SHTN1: variants seen among roughly 807,000 people sequenced by gnomAD.
SHTN1 encodes shootin 1, also known as shootin-1.
In SHTN1, 42 loss-of-function variants were observed where a neutral mutation model predicts 83.1. The ratio of observed to expected loss-of-function variants is 0.51; its 90% CI spans 0.39 to 0.65. The LOEUF (loss-of-function observed/expected upper bound fraction) is 0.65. Ranked by LOEUF, SHTN1 falls within the 30% of genes least tolerant of loss-of-function variation. The pLI is 0.00. For synonymous variants in SHTN1, 224 were observed against 247.7 expected, an observed-to-expected ratio of 0.90 and a Z score of 0.90; for missense variants, 622 against 737.8, an observed-to-expected ratio of 0.84 and a Z score of 1.82.
chr10:117,003,971 C>T lies in SHTN1; in HGVS notation c.58+1051G>A, dbSNP rs151308652. On this transcript the variant is annotated intron_variant, in intron 1 of 16. Coordinates refer to ENST00000355371, the MANE Select transcript of SHTN1 (RefSeq NM_001127211.3). Reference sequence around the variant, plus strand: ...GTGCAACGGCGCCATCTTGGCTCACCGCAACCTCCGCCTCCTGGCGATTCT... The same window carrying T: ...GTGCAACGGCGCCATCTTGGCTCACTGCAACCTCCGCCTCCTGGCGATTCT... Among the ~76,000 whole-genome samples, 797 of 152,120 alleles carry T rather than the reference C, an allele frequency of 5.2e-3. 10 individuals carry two copies. Among genetic ancestry groups the T allele is most frequent in the African/African-American group, 0.018 (759 of 41,500 alleles).
chr10:117,126,141 T>C (rs1402361711), intron 1 of SHTN1, among the ~76,000 whole-genome samples: 3 of 152,114 alleles, frequency 2.0e-5, no homozygotes, highest in Non-Finnish European at 2.9e-5. Context: ...TTGACGTCAC[T>C]TCCCGCCGCT....
chr10:116,989,876 C>CA (rs1417738226), intron 1 of SHTN1, among the ~76,000 whole-genome samples: 4 of 152,188 alleles, frequency 2.6e-5, no homozygotes, highest in Admixed American at 2.0e-4. Flanking sequence ...GAGTCTGTCC[C>CA]AATTACCAAC....
At position 117,111,996 on chromosome 10, in the gene SHTN1, TTC is replaced by T. The variant is rs1853774628; in HGVS notation, c.-189+14309_-189+14310del. On this transcript the variant is annotated intron_variant, in intron 1 of 17. Transcript: ENST00000392901. ...TGTTTTTTCTTTTGAGACAGAATGT[TTC>T]TCTGTCACCCAGGCTGGAGTCCAGT... Among the ~76,000 whole-genome samples the T allele has an allele frequency of 1.3e-5, 2 of 152,084 alleles. 1 individual carries two copies. The highest frequency in any genetic ancestry group is 4.2e-4 in the South Asian group (2 of 4,784).
intron 2 of SHTN1, among the ~76,000 whole-genome samples, chr10:117,036,250 G>A (rs1301850322): frequency 6.6e-6 from 1 of 152,056 alleles, no homozygotes. Context: ...ACTAAAAAAA[G>A]AGCTACCATA....
At chr10:116,974,509 C>T (rs1589859064) in intron 2 of SHTN1, among the ~76,000 whole-genome samples, 1 of 152,082 alleles carries the variant, frequency 6.6e-6, no homozygotes, top group Non-Finnish European at 1.5e-5. Context: ...ATCATATATC[C>T]TGCTTCTTGA....
intron 15 of SHTN1, 95 bp from the exon 16 acceptor site, chr10:116,902,052 G>A: frequency 9.1e-7 from 1 of 1,096,674 alleles, no homozygotes; most frequent in Admixed American, 3.4e-5. Flanking sequence ...CCCTCAAGAA[G>A]TGAAAAGGCC....
intron 1 of SHTN1, among the ~76,000 whole-genome samples, chr10:117,103,638 C>A (rs906765004): frequency 6.7e-6 from 1 of 149,098 alleles, no homozygotes; most frequent in Non-Finnish European, 1.5e-5. Flanking sequence ...CCCAGGTTCA[C>A]GCCATTCTCC....
intron 7 of SHTN1, among the ~76,000 whole-genome samples, chr10:116,946,373 A>G (rs553091607): frequency 6.8e-6 from 1 of 147,270 alleles, no homozygotes; most frequent in African/African-American, 2.5e-5. Context: ...AAAGTATACT[A>G]CCTGAATATA....
intron 2 of SHTN1, among the ~76,000 whole-genome samples, chr10:116,975,163 G>T (rs752497401): frequency 2.0e-5 from 3 of 151,968 alleles, no homozygotes; most frequent in Non-Finnish European, 4.4e-5. Flanking sequence ...AAAAAAACTC[G>T]CTGTTTTTAC....
chr10:117,005,977 G>A (rs1234420490), upstream of SHTN1, among the ~76,000 whole-genome samples: 7 of 152,202 alleles, frequency 4.6e-5, no homozygotes, highest in East Asian at 1.4e-3. Context: ...GTTTGTCCCA[G>A]TTCACTGCCC....
intron 2 of SHTN1, among the ~76,000 whole-genome samples, chr10:116,969,562 G>A (rs906229290): frequency 5.3e-5 from 8 of 152,146 alleles, no homozygotes; most frequent in Non-Finnish European, 1.0e-4. Flanking sequence ...TAAAAGAAGA[G>A]AAGATAAAAT....
intron 1 of SHTN1, among the ~76,000 whole-genome samples, chr10:116,992,655 T>C (rs1385068717): frequency 3.3e-5 from 5 of 152,072 alleles, no homozygotes; most frequent in African/African-American, 1.2e-4. Flanking sequence ...TGAGAAACTA[T>C]CCCTTTTAAA....
intron 1 of SHTN1, among the ~76,000 whole-genome samples, chr10:117,107,664 G>A (rs1409883310): frequency 1.3e-5 from 2 of 152,166 alleles, no homozygotes; most frequent in Admixed American, 6.5e-5. Flanking sequence ...AGCAGTGACA[G>A]AGGCCAAACT....
rs2133290802 is a variant in SHTN1 at position 116,884,160 on chromosome 10, TA to T, written c.*2183del. 2.2e-6 allele frequency: 1 copy of T among 453,758 alleles called. No homozygotes were observed. Among genetic ancestry groups the T allele is most frequent in the South Asian group, 1.6e-5 (1 of 64,204 alleles). 28.1% of individuals were successfully genotyped at this position (453,758 alleles called of 1,614,324 possible). ...AACTTAAAATTGTGTAAGCAGGACG[TA>T]TGTAAGTTTTGTGTGTGCAATAGCT... On this transcript the variant is annotated 3_prime_UTR_variant, in exon 17 of 17. Transcript: ENST00000355371.
At chr10:117,051,112 G>A (rs1047396367) in intron 1 of SHTN1, among the ~76,000 whole-genome samples, 1 of 151,878 alleles carries the variant, frequency 6.6e-6, no homozygotes, top group African/African-American at 2.4e-5. Context: ...GGATTATAAG[G>A]GAATACAATA....
At chr10:117,007,293 A>G (rs1342267989), upstream of SHTN1, among the ~76,000 whole-genome samples, 1 of 151,876 alleles carries the variant, frequency 6.6e-6, no homozygotes, top group African/African-American at 2.4e-5. Context: ...CAGAGTGCCC[A>G]TTAAATATTT....
At position 116,884,788 on chromosome 10, in the gene SHTN1, C is replaced by G. The variant is rs185801675; in HGVS notation, c.*1556G>C. 2 of 157,414 alleles carry G rather than the reference C, an allele frequency of 1.3e-5. No individual in the cohort carries two copies. The highest frequency in any genetic ancestry group is 1.4e-5 in the Non-Finnish European group (1 of 70,740). 9.8% of individuals were successfully genotyped at this position (157,414 alleles called of 1,614,324 possible). A position where few individuals can be genotyped will look rare whatever the true frequency, so the allele number is the denominator to read the frequency against. On this transcript the variant is annotated 3_prime_UTR_variant, in exon 17 of 17. Coordinates refer to ENST00000355371, the MANE Select transcript of SHTN1 (RefSeq NM_001127211.3). ...CCAGAAACGTTAATAATAACCACAA[C>G]TGACCCTTAATGGGAAACTATTGGT...
At chr10:117,104,034 C>T (rs565120459) in intron 1 of SHTN1, among the ~76,000 whole-genome samples, 33 of 152,272 alleles carry the variant, frequency 2.2e-4, no homozygotes, top group Middle Eastern at 3.4e-3. Flanking sequence ...GTATTATTGT[C>T]TCCATTTTAT....
At chr10:116,981,205 G>C (rs1428527404) in intron 1 of SHTN1, among the ~76,000 whole-genome samples, 1 of 152,162 alleles carries the variant, frequency 6.6e-6, no homozygotes, top group East Asian at 1.9e-4. Context: ...TGTAGTCCCA[G>C]ATACTTGGGA....
Sources: gnomAD v4.1 joint callset for allele counts (sites outside exome capture counted in the v4.1 genomes callset) on GRCh38, gnomAD v4.1.1 for gene constraint, MANE v1.5 for transcripts, NCBI Gene and HGNC (gene_info 2026-07-23, HGNC 2026-07-21) for gene names.